GRSF1: variants seen among roughly 807,000 people sequenced by gnomAD.
GRSF1 encodes G-rich sequence factor 1.
GRSF1 carries 50 observed loss-of-function variants against 51.1 expected under a neutral mutation model. The observed-to-expected ratio is 0.98, with a 90% confidence interval of 0.78 to 1.24. The LOEUF (loss-of-function observed/expected upper bound fraction) is 1.24, where lower values mean the gene tolerates loss of function less well. Among genes scored for constraint, GRSF1 ranks in the 50% most tolerant of loss-of-function variants. GRSF1 has a pLI of 0.00. For synonymous variants in GRSF1, 293 were observed against 253.3 expected, an observed-to-expected ratio of 1.16 and a Z score of -1.49; for missense variants, 700 against 639.7, an observed-to-expected ratio of 1.09 and a Z score of -1.02.
chr4:70,820,962 T>C (rs993813223), intron 9 of GRSF1, 101 bp from the exon 10 acceptor site: 6 of 152,288 alleles, frequency 3.9e-5, no homozygotes, highest in African/African-American at 1.4e-4. Context: ...TTTTCTCCTT[T>C]CTAATTTAGT....
In GRSF1 at chr4:70,833,135, C is replaced by G. The variant is rs1206330416; in HGVS notation, c.653G>C (p.Gly218Ala). The G allele has an allele frequency of 6.2e-7, 1 of 1,613,888 alleles. No individual in the cohort carries two copies. Reference sequence around the variant, plus strand: ...TCACATACCTTCCACATACCGCTGGCCCATGTACATGCGGTGCTTCTCTAA... The same window carrying G: ...TCACATACCTTCCACATACCGCTGGGCCATGTACATGCGGTGCTTCTCTAA... The part of the protein sequence containing the change: ...KALEKHRMYM[G>A]QRYVEVYEIN... Residue 218 changes from glycine (G) to alanine (A), a missense_variant, in exon 3 of 10, where the codon GGC becomes GCC. Gly to Ala is a moderately conservative substitution (Grantham distance 60, BLOSUM62 0). Transcript: ENST00000254799.
rs6814771 is a variant in GRSF1 at position 70,825,918 on chromosome 4, C to T, written c.1257+206G>A. The T allele has an allele frequency of 8.5e-4, 407 of 478,874 alleles. 1 individual carries two copies. Among genetic ancestry groups the T allele is most frequent in the African/African-American group, 7.6e-3 (368 of 48,586 alleles). The allele number at this position is 478,874 out of a possible 1,614,324, so 29.7% of individuals were successfully genotyped here. A position where few individuals can be genotyped will look rare whatever the true frequency, so the allele number is the denominator to read the frequency against. On this transcript the variant is annotated intron_variant, in intron 7 of 9. Coordinates refer to ENST00000254799, the MANE Select transcript of GRSF1 (RefSeq NM_002092.4). ...CTGCACTCCAGCCTGGGCGACAGAG[C>T]GAGACTCTGTCACAAAAAAAAGTAA...
chr4:70,822,583 C>CAAAAAAAA (rs749025985), intron 9 of GRSF1, among the ~76,000 whole-genome samples: 1 of 20,518 alleles, frequency 4.9e-5, no homozygotes, highest in African/African-American at 1.1e-4. Context: ...GATTTCATAT[C>CAAAAAAAA]AAAAAAAAAA....
In GRSF1 at chr4:70,827,908, T is replaced by G; in HGVS notation, c.1079A>C (p.His360Pro). 1 of 1,613,546 alleles carries G rather than the reference T, an allele frequency of 6.2e-7. No homozygotes were observed. The highest frequency in any genetic ancestry group is 8.5e-7 in the Non-Finnish European group (1 of 1,179,580). The part of the protein sequence containing the change: ...ITEPEMVFEE[H>P]EVNEDIQPMT... The stretch of plus-strand genomic sequence containing the variant: ...GGGTTGAATATCCTCATTTACTTCA[T>G]GTTCTTCAAAGACCATTTCTGGCTC... Residue 360 changes from histidine to proline, a missense_variant, in exon 6 of 10, where the codon CAT becomes CCT. Coordinates refer to ENST00000254799, the MANE Select transcript of GRSF1 (RefSeq NM_002092.4).
rs1192051675 is a variant in GRSF1, at chr4:70,839,810, C to A, written c.18G>T (p.Trp6Cys). The change falls in exon 1 of 10, where the codon TGG (tryptophan) becomes TGT (cysteine). Residue 6 changes from tryptophan (W) to cysteine (C), a missense_variant. Coordinates refer to ENST00000254799, the MANE Select transcript of GRSF1 (RefSeq NM_002092.4). MAGTR[W>C]VLGALLRGCG... ...AGCCCCGGAGCAGCGCCCCGAGTAC[C>A]CAGCGCGTGCCGGCCATGGACTCCG... 1 of 1,500,292 alleles carries A rather than the reference C, an allele frequency of 6.7e-7. No homozygotes were observed. Among genetic ancestry groups the A allele is most frequent in the Admixed American group, 2.1e-5 (1 of 47,202 alleles). The allele number at this position is 1,500,292 out of a possible 1,614,324, so 92.9% of individuals were successfully genotyped here.
Position 70,817,310 on chromosome 4 carries a change from A to C in GRSF1, c.*3577T>G, listed in dbSNP as rs901124200. On this transcript the variant is annotated 3_prime_UTR_variant, in exon 10 of 10. Transcript: ENST00000254799. The stretch of plus-strand genomic sequence containing the variant: ...CTGCAGGCTTGACTTCCCAGGCTCA[A>C]GCAGTCCTCCCACTTCAGCCTCACA... 6.6e-6 allele frequency: 1 copy of C among 152,214 alleles called. No individual in the cohort carries two copies. Among genetic ancestry groups the C allele is most frequent in the African/African-American group, 2.4e-5 (1 of 41,428 alleles). 9.4% of individuals were successfully genotyped at this position (152,214 alleles called of 1,614,324 possible).
intron 9 of GRSF1, among the ~76,000 whole-genome samples, chr4:70,821,864 C>G (rs961980240): frequency 2.0e-5 from 3 of 151,864 alleles, no homozygotes; most frequent in Non-Finnish European, 4.4e-5. Context: ...TTAGGAGAGA[C>G]AGGGTTTCGC....
chr4:70,831,515 A>C, intron 5 of GRSF1, 24 bp downstream of exon 5: 1 of 1,602,238 alleles, frequency 6.2e-7, no homozygotes, highest in Non-Finnish European at 8.5e-7. Flanking sequence ...ACACTTCTGC[A>C]TCATTAGTAT....
intron 6 of GRSF1, 61 bp downstream of exon 6, chr4:70,827,791 T>G: frequency 8.1e-7 from 1 of 1,230,588 alleles, no homozygotes; most frequent in Non-Finnish European, 1.1e-6. Flanking sequence ...AAAAAAAAAA[T>G]CACAAAACCC....
chr4:70,824,691 G>A (rs1376347312), intron 8 of GRSF1, among the ~76,000 whole-genome samples: 3 of 152,176 alleles, frequency 2.0e-5, no homozygotes, highest in Non-Finnish European at 4.4e-5. Context: ...GCTGTGGCAG[G>A]ACAATCACTT....
rs1016203148 is a variant in GRSF1 at position 70,820,759 on chromosome 4, C to G, written c.*128G>C. 6.6e-6 allele frequency: 1 copy of G among 152,536 alleles called. No individual in the cohort carries two copies. The highest frequency in any genetic ancestry group is 6.5e-5 in the Admixed American group (1 of 15,272). 9.4% of individuals were successfully genotyped at this position (152,536 alleles called of 1,614,324 possible). A position where few individuals can be genotyped will look rare whatever the true frequency, so the allele number is the denominator to read the frequency against. On this transcript the variant is annotated 3_prime_UTR_variant, in exon 10 of 10. Coordinates refer to ENST00000254799, the MANE Select transcript of GRSF1 (RefSeq NM_002092.4). ...GAAACTTTTCTTAGAAGCAATTAAC[C>G]CAAAACACCAAAATCATTTCCCTAG...
chr4:70,839,134 A>G, intron 1 of GRSF1: 1 of 1,307,946 alleles, frequency 7.6e-7, no homozygotes, highest in Non-Finnish European at 1.0e-6. Context: ...GCGGAAAGCA[A>G]GAAGATGCGA....
In GRSF1 at chr4:70,839,561, C is replaced by A; in HGVS notation, c.267G>T (p.Ala89=). ...GGAGGGCAGAGTAGGACGCGGCGGC[C>A]GCGGCCGCGGCAGAGGTGGCCACAG... ...PPAVATSAAA[A]AAASYSALRA... is the part of the protein sequence containing the mutation. Residue 89 remains alanine, a synonymous_variant, in exon 1 of 10, where the codon GCG becomes GCT. Coordinates refer to ENST00000254799, the MANE Select transcript of GRSF1 (RefSeq NM_002092.4). The A allele has an allele frequency of 7.0e-7, 1 of 1,421,996 alleles. No individual in the cohort carries two copies. The highest frequency in any genetic ancestry group is 9.2e-7 in the Non-Finnish European group (1 of 1,090,310). 88.1% of individuals were successfully genotyped at this position (1,421,996 alleles called of 1,614,324 possible).
upstream of GRSF1, among the ~76,000 whole-genome samples, chr4:70,842,528 C>T (rs534480147): frequency 3.3e-5 from 5 of 152,190 alleles, no homozygotes; most frequent in East Asian, 1.9e-4. Context: ...CTTGACCTCC[C>T]GGGTTCAAGT....
chr4:70,833,075 C>CTAA (rs771057579), intron 3 of GRSF1, 43 bp downstream of exon 3: 8 of 1,575,332 alleles, frequency 5.1e-6, no homozygotes, highest in Non-Finnish European at 6.9e-6. Context: ...AGTATAAAAC[C>CTAA]TAATGCAATG....
chr4:70,835,886 G>A (rs1734186458), intron 2 of GRSF1, among the ~76,000 whole-genome samples: 1 of 152,122 alleles, frequency 6.6e-6, no homozygotes, highest in South Asian at 2.1e-4. Context: ...CTCCCAAACT[G>A]CTGATTACAG....
intron 6 of GRSF1, among the ~76,000 whole-genome samples, chr4:70,826,850 A>G (rs879755740): frequency 6.6e-6 from 1 of 152,164 alleles, no homozygotes; most frequent in Non-Finnish European, 1.5e-5. Flanking sequence ...TTTGTCTCAA[A>G]AAACAAAAAT....
At chr4:70,832,004 T>C (rs1005694750) in intron 4 of GRSF1, among the ~76,000 whole-genome samples, 1 of 152,070 alleles carries the variant, frequency 6.6e-6, no homozygotes, top group Non-Finnish European at 1.5e-5. Flanking sequence ...GAAAATACTT[T>C]TAAATTATAT....
chr4:70,832,449 T>C lies in GRSF1; in HGVS notation c.672A>G (p.Val224=), dbSNP rs370401347. The C allele has an allele frequency of 1.4e-5, 22 of 1,595,858 alleles. No individual in the cohort carries two copies. The Admixed American group carries it at 1.5e-4, about 11-fold the overall frequency. The change falls in exon 4 of 10, where the codon GTA becomes GTG. Residue 224 remains valine (V), a splice_region_variant and synonymous_variant. Coordinates refer to ENST00000254799, the MANE Select transcript of GRSF1 (RefSeq NM_002092.4). The part of the protein sequence containing the change: ...RMYMGQRYVE[V]YEINNEDVDA... ...CCACATCTTCATTGTTTATCTCATA[T>C]ACTACGAAGAAAAAACCCAACAGGG...
Sources: allele counts gnomAD v4.1 joint callset (sites outside exome capture counted in the v4.1 genomes callset), GRCh38; gene constraint gnomAD v4.1.1; transcripts MANE v1.5; gene names NCBI Gene and HGNC (gene_info 2026-07-23, HGNC 2026-07-21).